NEGR1: variants seen among roughly 807,000 people sequenced by gnomAD.
The protein encoded by NEGR1 is neuronal growth regulator 1.
NEGR1 carries 10 observed loss-of-function variants against 40.9 expected under a neutral mutation model. The ratio of observed to expected loss-of-function variants is 0.24; its 90% confidence interval spans 0.15 to 0.42. The LOEUF (loss-of-function observed/expected upper bound fraction) is 0.42. Among genes scored for constraint, NEGR1 ranks in the 10% least tolerant of loss-of-function variants. The pLI, the probability that NEGR1 is intolerant of heterozygous loss-of-function variation, is 1.00. For synonymous variants in NEGR1, 185 were observed against 166.8 expected (o/e 1.11, Z -0.84); for missense variants, 352 against 438.9 (o/e 0.80, Z 1.77).
intron 6 of NEGR1, among the ~76,000 whole-genome samples, chr1:71,438,962 TGAAGC>T (rs1646528346): frequency 6.6e-6 from 1 of 152,172 alleles, no homozygotes; most frequent in African/African-American, 2.4e-5. Flanking sequence ...GGTGTCTGAC[TGAAGC>T]ATATTCTTTT....
intron 6 of NEGR1, among the ~76,000 whole-genome samples, chr1:71,462,612 G>C (rs1278529777): frequency 1.3e-5 from 2 of 152,072 alleles, no homozygotes; most frequent in Non-Finnish European, 2.9e-5. Context: ...TGATTACACT[G>C]GGAGAGCAGT....
intron 2 of NEGR1, among the ~76,000 whole-genome samples, chr1:71,803,327 C>G (rs1380536686): frequency 6.6e-6 from 1 of 152,120 alleles, no homozygotes; most frequent in Non-Finnish European, 1.5e-5. Flanking sequence ...TCCCTAATAG[C>G]ATCTTGATCA....
At chr1:72,244,592 G>C (rs1654845547) in intron 1 of NEGR1, among the ~76,000 whole-genome samples, 1 of 151,658 alleles carries the variant, frequency 6.6e-6, no homozygotes, top group African/African-American at 2.4e-5. Flanking sequence ...CTTATTATTT[G>C]TGGTAGTTAT....
intron 1 of NEGR1, among the ~76,000 whole-genome samples, chr1:71,959,808 A>G (rs931091430): frequency 6.6e-6 from 1 of 152,104 alleles, no homozygotes; most frequent in African/African-American, 2.4e-5. Flanking sequence ...TATTTTTTCA[A>G]TGACGTTTTG....
At chr1:72,042,651 G>A (rs945054177) in intron 1 of NEGR1, among the ~76,000 whole-genome samples, 2 of 152,012 alleles carry the variant, frequency 1.3e-5, no homozygotes, top group South Asian at 2.1e-4. Context: ...ATAGAGAAAC[G>A]CAAGTCACTT....
At chr1:71,734,293 T>C (rs903643458) in intron 3 of NEGR1, among the ~76,000 whole-genome samples, 38 of 152,244 alleles carry the variant, frequency 2.5e-4, no homozygotes, top group African/African-American at 8.9e-4. Context: ...AATTCTATCT[T>C]TATCCCTCCC....
chr1:71,676,013 A>G (rs1652622712), intron 4 of NEGR1, among the ~76,000 whole-genome samples: 1 of 152,158 alleles, frequency 6.6e-6, no homozygotes, highest in Admixed American at 6.6e-5. Context: ...GACTTCCACC[A>G]TGTTACCTAC....
intron 2 of NEGR1, among the ~76,000 whole-genome samples, chr1:71,815,781 A>G (rs1438801760): frequency 6.6e-6 from 1 of 152,016 alleles, no homozygotes; most frequent in Non-Finnish European, 1.5e-5. Flanking sequence ...CTTTAGCCAA[A>G]TGTGCTATTG....
At chr1:72,258,597 G>A (rs954952400) in intron 1 of NEGR1, among the ~76,000 whole-genome samples, 1 of 151,966 alleles carries the variant, frequency 6.6e-6, no homozygotes, top group African/African-American at 2.4e-5. Context: ...TGGATTCCAC[G>A]GGGCAATTAA....
At chr1:71,952,384 G>A (rs1443935885) in intron 1 of NEGR1, among the ~76,000 whole-genome samples, 2 of 151,918 alleles carry the variant, frequency 1.3e-5, no homozygotes, top group Admixed American at 6.6e-5. Context: ...AGCCACAACA[G>A]GCTATTAAAC....
intron 1 of NEGR1, among the ~76,000 whole-genome samples, chr1:71,999,180 T>A (rs1442664451): frequency 6.6e-6 from 1 of 151,936 alleles, no homozygotes; most frequent in African/African-American, 2.4e-5. Context: ...ATTATAGGGC[T>A]GAAAAGGAAT....
At chr1:71,725,051 G>T (rs75837847) in intron 3 of NEGR1, among the ~76,000 whole-genome samples, 2,470 of 152,126 alleles carry the variant, frequency 0.016, 57 homozygotes, top group African/African-American at 0.048. Context: ...CTAATGTTCA[G>T]TGTTTTCCAA....
chr1:71,849,397 T>C (rs904620478), intron 2 of NEGR1, among the ~76,000 whole-genome samples: 3 of 152,142 alleles, frequency 2.0e-5, no homozygotes, highest in African/African-American at 7.2e-5. Flanking sequence ...TGAGATGTGA[T>C]TGAATTGCTG....
At chr1:72,027,173 G>A (rs1215844558) in intron 1 of NEGR1, among the ~76,000 whole-genome samples, 16 of 152,004 alleles carry the variant, frequency 1.1e-4, no homozygotes, top group Admixed American at 8.5e-4. Context: ...TGATCCACCC[G>A]CTTCGGCCTC....
At chr1:71,435,798 C>T (rs987211655) in intron 6 of NEGR1, among the ~76,000 whole-genome samples, 9 of 152,170 alleles carry the variant, frequency 5.9e-5, no homozygotes, top group African/African-American at 2.2e-4. Flanking sequence ...TGCTTTGTCC[C>T]TGAAGTCAGG....
chr1:71,872,701 T>G (rs1287840089), intron 2 of NEGR1, among the ~76,000 whole-genome samples: 2 of 152,182 alleles, frequency 1.3e-5, no homozygotes, highest in Non-Finnish European at 2.9e-5. Flanking sequence ...TTAGCACATT[T>G]TGACAGATAA....
intron 2 of NEGR1, among the ~76,000 whole-genome samples, chr1:71,850,513 G>A (rs759647205): frequency 1.7e-4 from 26 of 151,986 alleles, no homozygotes; most frequent in Non-Finnish European, 2.9e-4. Context: ...ACTCCTACAC[G>A]GCCCTTTTGG....
At chr1:71,811,897 ATTT>A (rs1316821714) in intron 2 of NEGR1, among the ~76,000 whole-genome samples, 2 of 149,670 alleles carry the variant, frequency 1.3e-5, no homozygotes, top group African/African-American at 4.9e-5. Flanking sequence ...ATTTTATTTT[ATTT>A]TATTTTATTT....
intron 2 of NEGR1, among the ~76,000 whole-genome samples, chr1:71,891,082 A>G (rs1660850470): frequency 1.6e-4 from 1 of 6,336 alleles, no homozygotes. Context: ...TGTAGAGGGA[A>G]ATTTATAGCA....
Sources: allele counts gnomAD v4.1 joint callset (sites outside exome capture counted in the v4.1 genomes callset), GRCh38; gene constraint gnomAD v4.1.1; transcripts MANE v1.5; gene names NCBI Gene and HGNC (gene_info 2026-07-23, HGNC 2026-07-21).